CD163L1: variants seen among roughly 807,000 people sequenced by gnomAD.
The protein encoded by CD163L1 is CD163 molecule like 1, also known as scavenger receptor cysteine-rich type 1 protein M160.
Under a neutral mutation model 165.4 loss-of-function variants are expected in CD163L1, and 124 were observed. The observed-to-expected ratio is 0.75, with a 90% CI of 0.65 to 0.87. The LOEUF (loss-of-function observed/expected upper bound fraction) is 0.87, where lower values mean the gene tolerates loss of function less well. Ranked by LOEUF, CD163L1 falls within the 40% of genes least tolerant of loss-of-function variation. The probability of loss-of-function intolerance (pLI) is 0.00; values close to 1 mark genes in which losing one functional copy is unlikely to be tolerated. For missense variants in CD163L1, 1,525 were observed against 1,799.9 expected (o/e 0.85, Z 2.76); for synonymous variants, 585 against 662.2 (o/e 0.88, Z 1.79).
intron 18 of CD163L1, among the ~76,000 whole-genome samples, chr12:7,357,927 A>G (rs80164294): frequency 0.21 from 32,163 of 152,100 alleles, 3,907 homozygotes; most frequent in African/African-American, 0.33. Flanking sequence ...AGATAACTAA[A>G]TTTCAAGAAG....
intron 8 of CD163L1, 58 bp from the exon 9 acceptor site, chr12:7,379,356 T>G (rs990439450): frequency 3.2e-6 from 5 of 1,544,528 alleles, no homozygotes; most frequent in African/African-American, 1.4e-5. Flanking sequence ...CATTAAAGAT[T>G]CTTATCCATT....
chr12:7,371,994 G>GT (rs1022259771), intron 14 of CD163L1, among the ~76,000 whole-genome samples: 5 of 151,496 alleles, frequency 3.3e-5, no homozygotes, highest in Middle Eastern at 3.2e-3. Flanking sequence ...TGATTTCTGG[G>GT]TTTTTTTCAA....
In CD163L1 at chr12:7,439,853, C is replaced by T. The variant is rs181416045; in HGVS notation, c.124+1301G>A. On this transcript the variant is annotated intron_variant, in intron 2 of 19. Transcript: ENST00000313599. ...TCCTCCTCACTGTCGCCAAAGGCCT[C>T]CGCTCCTCTCGCGGCTGCGTCATTA... 5.0e-4 allele frequency: 800 copies of T among 1,612,652 alleles called. 3 individuals are homozygous for T. Among genetic ancestry groups the T allele is most frequent in the Non-Finnish European group, 6.6e-4 (776 of 1,179,104 alleles).
At chr12:7,361,973 G>T (rs1946901489) in intron 18 of CD163L1, among the ~76,000 whole-genome samples, 1 of 151,410 alleles carries the variant, frequency 6.6e-6, no homozygotes, top group African/African-American at 2.4e-5. Flanking sequence ...GAATTTGATT[G>T]CTCTATGTAC....
chr12:7,339,082 A>G, the CD163L1 span, among the ~76,000 whole-genome samples: 1 of 152,196 alleles, frequency 6.6e-6, no homozygotes, highest in African/African-American at 2.4e-5. Flanking sequence ...AAGAGAGGGC[A>G]AGATACCTAT....
At chr12:7,327,518 A>G in the CD163L1 span, among the ~76,000 whole-genome samples, 1 of 152,330 alleles carries the variant, frequency 6.6e-6, no homozygotes, top group South Asian at 2.1e-4. Flanking sequence ...AGAAGATGAT[A>G]TCCAAAGAAA....
At chr12:7,335,316 A>G in the CD163L1 span, among the ~76,000 whole-genome samples, 1 of 152,328 alleles carries the variant, frequency 6.6e-6, no homozygotes, top group African/African-American at 2.4e-5. Context: ...GGAACAGAAC[A>G]GAGACCTCAG....
chr12:7,433,683 A>C lies in CD163L1; in HGVS notation c.136T>G (p.Leu46Val), dbSNP rs758879274. 5.0e-6 allele frequency: 8 copies of C among 1,607,522 alleles called. No homozygotes were observed. In the Admixed American group the frequency reaches 8.4e-5, roughly 17 times the overall value. ...TCTCCATTGACCAGCCTCAACTCCA[A>C]ATCTGTTCCATCTGCAAGAAAGACA... ...FLISSFNGTDLELRLVNGDGP... is the reference protein window; with the variant it reads ...FLISSFNGTDVELRLVNGDGP... Residue 46 changes from leucine (L) to valine (V), a missense_variant, in exon 3 of 20, where the codon TTG (leucine) becomes GTG (valine). Leu to Val is a conservative substitution (Grantham distance 32). Coordinates refer to ENST00000313599, the MANE Select transcript of CD163L1 (RefSeq NM_174941.6).
Position 7,374,412 on chromosome 12 carries a change from AGAG to A in CD163L1, c.3409+27_3409+29del. The A allele has an allele frequency of 1.3e-6, 2 of 1,582,448 alleles. No individual in the cohort carries two copies. Among genetic ancestry groups the A allele is most frequent in the Non-Finnish European group, 1.7e-6 (2 of 1,163,148 alleles). ...TGTGCAAGTGTGTGCACGTGTGTGT[AGAG>A]GAGGGTGAAAAGGTAGCAGCACAGA... On this transcript the variant is annotated intron_variant, in intron 13 of 19. Coordinates refer to ENST00000313599, the MANE Select transcript of CD163L1 (RefSeq NM_174941.6). This position sits in a 1 kb window ranked among gnomAD's most constrained non-coding sequence, Gnocchi z 5.4.
chr12:7,390,198 C>T (rs1330703344), intron 8 of CD163L1, among the ~76,000 whole-genome samples: 7 of 151,266 alleles, frequency 4.6e-5, no homozygotes, highest in East Asian at 1.9e-4. Flanking sequence ...GAAGGGTGTG[C>T]GTGTGGTGGG....
chr12:7,441,495 C>T (rs137990602), intron 1 of CD163L1, among the ~76,000 whole-genome samples: 7 of 152,238 alleles, frequency 4.6e-5, no homozygotes, highest in Non-Finnish European at 8.8e-5. Flanking sequence ...TGAAAAATTG[C>T]ATTCTGTGTC....
At chr12:7,382,033 T>C (rs971237657) in intron 8 of CD163L1, among the ~76,000 whole-genome samples, 1 of 148,028 alleles carries the variant, frequency 6.8e-6, no homozygotes, top group Admixed American at 6.8e-5. Context: ...TATAGAATTG[T>C]TTATATATAA....
intron 8 of CD163L1, among the ~76,000 whole-genome samples, chr12:7,395,246 A>G (rs755699358): frequency 6.6e-6 from 1 of 152,226 alleles, no homozygotes; most frequent in African/African-American, 2.4e-5. Flanking sequence ...CATATACACC[A>G]TGGAATACTA....
chr12:7,337,471 G>A, the CD163L1 span, among the ~76,000 whole-genome samples: 1 of 151,952 alleles, frequency 6.6e-6, no homozygotes, highest in African/African-American at 2.4e-5. Context: ...ACAAGTTTAT[G>A]AGAGAAACAC....
the CD163L1 span, among the ~76,000 whole-genome samples, chr12:7,337,550 C>G: frequency 6.6e-6 from 1 of 152,012 alleles, no homozygotes; most frequent in South Asian, 2.1e-4. Flanking sequence ...ATTTATGCAG[C>G]CAACAAACAT....
In CD163L1 at chr12:7,396,353, C is replaced by T. The variant is rs1947774622; in HGVS notation, c.1792G>A (p.Val598Met). 1.9e-6 allele frequency: 3 copies of T among 1,613,306 alleles called. No individual in the cohort carries two copies. In the East Asian group the frequency reaches 6.7e-5, roughly 36 times the overall value. The change falls in exon 8 of 20, where the codon GTG becomes ATG. Residue 598 changes from valine (V) to methionine (M), a missense_variant. Coordinates refer to ENST00000313599, the MANE Select transcript of CD163L1 (RefSeq NM_174941.6). ...GSNRCSGRLE[V>M]YFQGRWGTVC... Reference sequence around the variant, plus strand: ...GTGCCCCACCGTCCTTGAAAGTACACCTCCAGTCTTCCCGAGCAGCGGTTG... The same window carrying T: ...GTGCCCCACCGTCCTTGAAAGTACATCTCCAGTCTTCCCGAGCAGCGGTTG...
rs531121255 is a variant in CD163L1, at chr12:7,374,457, C to T, written c.3394G>A (p.Gly1132Arg). The T allele has an allele frequency of 1.4e-4, 224 of 1,612,668 alleles. 2 individuals are homozygous for T. The South Asian group carries it at 2.4e-3, about 17-fold the overall frequency. The change falls in exon 13 of 20, where the codon GGG (glycine) becomes AGG (arginine). Residue 1132 changes from glycine (G) to arginine (R), a missense_variant. By Grantham distance (125) the Gly-to-Arg change is moderately radical (BLOSUM62 -2). Transcript: ENST00000313599. The surrounding 1 kb of genome is among the most constrained non-coding windows in gnomAD (Gnocchi z 5.4). ...QHDCRHKEDA[G>R]VICSEFTALR... ...CAGCACAGACCTGAGCAGATGACCCCTGCGTCCTCCTTGTGCCTGCAGTCG... is the reference window on the plus strand; with the variant it reads ...CAGCACAGACCTGAGCAGATGACCCTTGCGTCCTCCTTGTGCCTGCAGTCG...
chr12:7,325,314 T>C, the CD163L1 span, among the ~76,000 whole-genome samples: 3 of 152,204 alleles, frequency 2.0e-5, no homozygotes, highest in Admixed American at 2.0e-4. Context: ...AAAACTGTCA[T>C]GGAATTCAGA....
intron 5 of CD163L1, among the ~76,000 whole-genome samples, chr12:7,404,753 A>C (rs1434964196): frequency 6.6e-6 from 1 of 152,180 alleles, no homozygotes; most frequent in Non-Finnish European, 1.5e-5. Flanking sequence ...TTATTTTCCT[A>C]TAAATAATGT....
Sources: gnomAD v4.1 joint callset for allele counts (sites outside exome capture counted in the v4.1 genomes callset) on GRCh38, gnomAD v4.1.1 for gene constraint, Gnocchi (gnomAD v3.1) non-coding constraint, MANE v1.5 for transcripts, NCBI Gene and HGNC (gene_info 2026-07-23, HGNC 2026-07-21) for gene names.